The following USP54 variants were observed in gnomAD, a reference collection of about 807,000 sequenced individuals.
USP54 encodes ubiquitin carboxyl-terminal hydrolase 54.
USP54 carries 87 observed loss-of-function variants against 170.5 expected under a neutral mutation model. The ratio of observed to expected loss-of-function variants is 0.51; its 90% CI spans 0.43 to 0.61. The LOEUF (loss-of-function observed/expected upper bound fraction) is 0.61. USP54 is among the 20% of genes least tolerant of loss of function. The probability of loss-of-function intolerance (pLI) is 0.00; values close to 1 mark genes in which losing one functional copy is unlikely to be tolerated. For synonymous variants in USP54, 655 were observed against 742.8 expected (o/e 0.88, Z 1.92); for missense variants, 1,786 against 2,047.8 (o/e 0.87, Z 2.47).
At chr10:73,611,672 C>G (rs2080159234) in intron 1 of USP54, 1 of 151,572 alleles carries the variant, frequency 6.6e-6, no homozygotes, top group Non-Finnish European at 1.5e-5. Context: ...TGGCAGGCAC[C>G]TATAATCCCA....
rs1311435062 is a variant in USP54, at chr10:73,617,257, T to C, written c.-18+8310A>G. Among the ~76,000 whole-genome samples, 2 of 150,004 alleles carry C rather than the reference T, an allele frequency of 1.3e-5. 1 individual carries two copies. Among genetic ancestry groups the C allele is most frequent in the African/African-American group, 5.1e-5 (2 of 39,532 alleles). On this transcript the variant is annotated intron_variant, in intron 1 of 22. Transcript: ENST00000339859. Reference sequence around the variant, plus strand: ...GTTGCGGTGAGCTGAGATCGCACCATTGCACTGCAGCCTGGGCAACAAGAG... The same window carrying C: ...GTTGCGGTGAGCTGAGATCGCACCACTGCACTGCAGCCTGGGCAACAAGAG...
At position 73,530,874 on chromosome 10, in the gene USP54, G is replaced by A. The variant is rs560537187; in HGVS notation, c.1316-39C>T. 21 of 1,611,830 alleles carry A rather than the reference G, an allele frequency of 1.3e-5. No homozygotes were observed. The African/African-American group carries it at 2.3e-4, about 17-fold the overall frequency. Reference sequence around the variant, plus strand: ...GAAATTGGGGTAAGCTGGTATCTGAGACTAACCTCCACCCTCCTGAGAACC... The same window carrying A: ...GAAATTGGGGTAAGCTGGTATCTGAAACTAACCTCCACCCTCCTGAGAACC... On this transcript the variant is annotated intron_variant, in intron 12 of 23. Transcript: ENST00000687698.
At chr10:73,552,716 G>T (rs533604257) in intron 4 of USP54, among the ~76,000 whole-genome samples, 2 of 151,930 alleles carry the variant, frequency 1.3e-5, no homozygotes, top group Non-Finnish European at 2.9e-5. Context: ...GCTTGAACCC[G>T]GGAGGTGGAG....
At chr10:73,508,850 T>C (rs112911686) in intron 20 of USP54, among the ~76,000 whole-genome samples, 3 of 151,756 alleles carry the variant, frequency 2.0e-5, no homozygotes, top group Non-Finnish European at 4.4e-5. Flanking sequence ...ATATTTTTAG[T>C]GGAGACGGGG....
At chr10:73,547,356 A>T (rs111753908) in intron 4 of USP54, among the ~76,000 whole-genome samples, 116 of 152,304 alleles carry the variant, frequency 7.6e-4, no homozygotes, top group African/African-American at 2.7e-3. Flanking sequence ...AGCTGAGATC[A>T]TGCCACTGCA....
chr10:73,530,349 T>C lies in USP54; in HGVS notation c.1622A>G (p.Asp541Gly). 6.2e-7 allele frequency: 1 copy of C among 1,614,108 alleles called. No individual in the cohort carries two copies. Among genetic ancestry groups the C allele is most frequent in the Non-Finnish European group, 8.5e-7 (1 of 1,180,010 alleles). The change falls in exon 14 of 24, where the codon GAC becomes GGC. Residue 541 changes from aspartate (D) to glycine (G), a missense_variant. Physicochemically the swap from Asp to Gly is moderately conservative, Grantham distance 94 (BLOSUM62 -1). Transcript: ENST00000687698. ...AGGCAGGGTCCTAGGAGGTTTTTTGTCAGGCTGGTCTCCTCCTCTGCCCCT... is the reference window on the plus strand; with the variant it reads ...AGGCAGGGTCCTAGGAGGTTTTTTGCCAGGCTGGTCTCCTCCTCTGCCCCT... ...HCRGRGGDQP[D>G]KKPPRTLPLH...
intron 11 of USP54, among the ~76,000 whole-genome samples, chr10:73,535,382 G>A (rs750465700): frequency 5.3e-5 from 8 of 152,144 alleles, no homozygotes; most frequent in African/African-American, 1.9e-4. Context: ...GGTATGAAAG[G>A]TGGAAGAAAG....
At chr10:73,533,479 C>T (rs1181248061) in intron 12 of USP54, among the ~76,000 whole-genome samples, 1 of 151,370 alleles carries the variant, frequency 6.6e-6, no homozygotes, top group Non-Finnish European at 1.5e-5. Context: ...ATTACTGAAA[C>T]TAGGTGATGG....
chr10:73,625,452 C>T (rs1024697045), intron 1 of USP54: 1 of 151,986 alleles, frequency 6.6e-6, no homozygotes, highest in African/African-American at 2.4e-5. Context: ...CGGTCCCCGA[C>T]TAGCCTCAGG....
intron 4 of USP54, among the ~76,000 whole-genome samples, chr10:73,558,607 G>A (rs1454867629): frequency 2.0e-5 from 3 of 152,136 alleles, no homozygotes; most frequent in Non-Finnish European, 4.4e-5. Context: ...GGGAAAGTTG[G>A]CCAGCCTCTG....
rs1201100018 is a variant in USP54, at chr10:73,529,822, G to A, written c.1918C>T (p.Pro640Ser). The A allele has an allele frequency of 1.2e-6, 2 of 1,610,276 alleles. No individual in the cohort carries two copies. The highest frequency in any genetic ancestry group is 4.5e-5 in the East Asian group (2 of 44,834). ...GPSPQYKRWG[P>S]ARPGSHLLEQ... ...AAAAGGTGAGAGCCTGGCCGTGCTG[G>A]GCCCCAGCGCTTGTACTGGGGGCTT... Residue 640 changes from proline (P) to serine (S), a missense_variant, in exon 15 of 24, where the codon CCA (proline) becomes TCA (serine). Physicochemically the swap from Pro to Ser is moderately conservative, Grantham distance 74. Transcript: ENST00000687698.
In USP54 at chr10:73,581,586, T is replaced by C. The variant is rs564280179; in HGVS notation, c.-581-5225A>G. On this transcript the variant is annotated intron_variant, in intron 1 of 23. Transcript: ENST00000687698. ...GGAGGCCCTCTGAATTGCATAAGCT[T>C]CAAGTGTCAGAGAATCTAAGTCTGC... Among the ~76,000 whole-genome samples the C allele has an allele frequency of 1.8e-4, 28 of 152,350 alleles. No homozygotes were observed. In the South Asian group the frequency reaches 5.8e-3, roughly 32 times the overall value.
rs745912443 is a variant in USP54, at chr10:73,536,393, C to T, written c.1020G>A (p.Gly340=). The T allele has an allele frequency of 1.9e-6, 3 of 1,590,236 alleles. No homozygotes were observed. Among genetic ancestry groups the T allele is most frequent in the African/African-American group, 2.7e-5 (2 of 74,236 alleles). ...WKDVVTKCIK[G]HYQPLLLLYA... ...AAAGCAGCAGCAGGGGCTGATAATG[C>T]CCCTTGATGCATTTGGTCACCACAT... Residue 340 remains glycine, a synonymous_variant, in exon 11 of 24, where the codon GGG becomes GGA. Transcript: ENST00000687698.
intron 9 of USP54, 83 bp downstream of exon 9, chr10:73,541,292 C>G: frequency 6.4e-7 from 1 of 1,570,396 alleles, no homozygotes; most frequent in Non-Finnish European, 8.7e-7. Context: ...CTAGGACATA[C>G]CTGTTTGTCT....
At chr10:73,531,402 G>C (rs1042787569) in intron 12 of USP54, among the ~76,000 whole-genome samples, 6 of 152,014 alleles carry the variant, frequency 3.9e-5, no homozygotes. Flanking sequence ...TGACCCAGAA[G>C]GACTAATGAC....
At chr10:73,518,448 T>C (rs943359373) in intron 19 of USP54, among the ~76,000 whole-genome samples, 2 of 152,196 alleles carry the variant, frequency 1.3e-5, no homozygotes, top group Non-Finnish European at 2.9e-5. Context: ...AAAAACTTAA[T>C]GTTACAAGGA....
chr10:73,511,068 A>AGG (rs1409821657), intron 20 of USP54, among the ~76,000 whole-genome samples: 2 of 151,040 alleles, frequency 1.3e-5, no homozygotes, highest in African/African-American at 4.9e-5. Flanking sequence ...TGATTTGCCA[A>AGG]CGGGTACAAA....
intron 5 of USP54, among the ~76,000 whole-genome samples, chr10:73,543,503 A>C (rs1590208867): frequency 6.6e-6 from 1 of 151,950 alleles, no homozygotes; most frequent in East Asian, 1.9e-4. Context: ...AGTAGCTGGG[A>C]CTACAGGCGC....
chr10:73,574,009 G>A (rs2133814054), intron 3 of USP54, among the ~76,000 whole-genome samples: 2 of 152,294 alleles, frequency 1.3e-5, no homozygotes, highest in Middle Eastern at 6.8e-3. Context: ...CATCTGAGGA[G>A]TGAAGCTAAT....
Sources: gnomAD v4.1 joint callset for allele counts (sites outside exome capture counted in the v4.1 genomes callset) on GRCh38, gnomAD v4.1.1 for gene constraint, MANE v1.5 for transcripts, NCBI Gene and HGNC (gene_info 2026-07-23, HGNC 2026-07-21) for gene names.